ARHGEF6: variants seen among roughly 807,000 people sequenced by gnomAD.
ARHGEF6 encodes Rac/Cdc42 guanine nucleotide exchange factor 6, also known as rho guanine nucleotide exchange factor 6.
A neutral mutation model predicts 70.3 loss-of-function variants in ARHGEF6; 9 were observed. The ratio of observed to expected loss-of-function variants is 0.13; its 90% confidence interval spans 0.08 to 0.22. ARHGEF6 has a LOEUF of 0.22. Among genes scored for constraint, ARHGEF6 ranks in the 10% least tolerant of loss-of-function variants. The probability of loss-of-function intolerance (pLI) is 1.00; values close to 1 mark genes in which losing one functional copy is unlikely to be tolerated. For synonymous variants in ARHGEF6, 201 were observed against 207.8 expected (o/e 0.97, Z 0.28); for missense variants, 470 against 563.0 (o/e 0.83, Z 1.67).
At chrX:136,685,950 C>T (rs2076381592) in intron 11 of ARHGEF6, 127 bp from the exon 12 acceptor site, 1 of 713,890 alleles carries the variant, frequency 1.4e-6, no homozygotes, top group African/African-American at 2.1e-5. Flanking sequence ...TCATGAATCC[C>T]ATGACCCAGG....
intron 2 of ARHGEF6, among the ~76,000 whole-genome samples, chrX:136,753,783 A>G (rs2077176552): frequency 8.9e-6 from 1 of 111,837 alleles, no homozygotes; most frequent in Non-Finnish European, 1.9e-5. Flanking sequence ...TTGCAGCCTA[A>G]CATGCTTACA....
intron 10 of ARHGEF6, among the ~76,000 whole-genome samples, chrX:136,689,120 C>T (rs1603337617): frequency 1.8e-5 from 2 of 112,448 alleles, no homozygotes; most frequent in East Asian, 2.8e-4. Flanking sequence ...TATTCCTTTA[C>T]AGTAAAATTT....
chrX:136,734,369 A>G (rs751290286), intron 5 of ARHGEF6, among the ~76,000 whole-genome samples: 16 of 111,666 alleles, frequency 1.4e-4, no homozygotes, highest in South Asian at 3.8e-4. Context: ...GAATACTACA[A>G]ACAACTCTAC....
chrX:136,718,334 T>C (rs954630064), intron 6 of ARHGEF6, among the ~76,000 whole-genome samples: 3 of 111,203 alleles, frequency 2.7e-5, no homozygotes, highest in Non-Finnish European at 3.8e-5. Context: ...TTAATATGTA[T>C]GTGCCTAAAA....
chrX:136,727,045 CT>C (rs762579205), intron 6 of ARHGEF6, among the ~76,000 whole-genome samples: 1 of 112,358 alleles, frequency 8.9e-6, no homozygotes. Context: ...ATGGCTCCCC[CT>C]GTCTGAATAA....
chrX:136,772,872 G>A (rs752965501), intron 2 of ARHGEF6, among the ~76,000 whole-genome samples: 2 of 111,563 alleles, frequency 1.8e-5, no homozygotes, highest in African/African-American at 3.3e-5. Flanking sequence ...CAAACAAACA[G>A]ACAACAACAA....
intron 13 of ARHGEF6, among the ~76,000 whole-genome samples, chrX:136,682,453 T>C (rs920903535): frequency 1.8e-5 from 2 of 112,211 alleles, no homozygotes; most frequent in Non-Finnish European, 3.8e-5. Flanking sequence ...CTTTATGTTT[T>C]CTCAGCAATA....
intron 2 of ARHGEF6, among the ~76,000 whole-genome samples, chrX:136,752,026 G>C (rs1464176195): frequency 1.8e-5 from 2 of 111,523 alleles, no homozygotes; most frequent in Admixed American, 1.9e-4. Context: ...AATGCTCTGA[G>C]GGGCATTGTA....
At chrX:136,775,023 T>C (rs1475054088) in intron 2 of ARHGEF6, among the ~76,000 whole-genome samples, 1 of 111,647 alleles carries the variant, frequency 9.0e-6, no homozygotes. Flanking sequence ...AATAATAATA[T>C]CTACCATGCA....
chrX:136,765,870 G>A (rs375618886), intron 2 of ARHGEF6, among the ~76,000 whole-genome samples: 20 of 112,215 alleles, frequency 1.8e-4, no homozygotes, highest in African/African-American at 6.5e-4. Flanking sequence ...TAACTAGAAG[G>A]CATTCAAAAA....
intron 9 of ARHGEF6, among the ~76,000 whole-genome samples, chrX:136,693,447 AAATAT>A (rs1015718158): frequency 1.8e-5 from 2 of 112,195 alleles, no homozygotes; most frequent in Non-Finnish European, 3.8e-5. Context: ...CATTATACAC[AAATAT>A]AATACATAAA....
intron 2 of ARHGEF6, among the ~76,000 whole-genome samples, chrX:136,776,916 T>TAAAC (rs2077409960): frequency 9.5e-6 from 1 of 104,809 alleles, no homozygotes. Context: ...AATAAATAAA[T>TAAAC]AAAGTAGAAA....
intron 3 of ARHGEF6, 67 bp from the exon 4 acceptor site, chrX:136,745,414 T>G: frequency 8.7e-7 from 1 of 1,156,039 alleles, no homozygotes; most frequent in South Asian, 1.8e-5. Context: ...CCGCATAACA[T>G]TATCTTTCTC....
intron 9 of ARHGEF6, among the ~76,000 whole-genome samples, chrX:136,696,703 T>C (rs888141660): frequency 1.5e-4 from 17 of 111,358 alleles, no homozygotes; most frequent in Admixed American, 8.6e-4. Flanking sequence ...AAAAAGTATT[T>C]ATTCAGGAAA....
At chrX:136,726,373 A>T (rs1372552650) in intron 6 of ARHGEF6, among the ~76,000 whole-genome samples, 1 of 111,625 alleles carries the variant, frequency 9.0e-6, no homozygotes, top group East Asian at 2.8e-4. Context: ...CACATGGAAG[A>T]GCAGTATGGA....
intron 5 of ARHGEF6, among the ~76,000 whole-genome samples, chrX:136,735,505 G>A (rs1361516285): frequency 9.0e-6 from 1 of 111,140 alleles, no homozygotes; most frequent in Non-Finnish European, 1.9e-5. Context: ...TAACTAGAAC[G>A]AACATGAAAA....
chrX:136,700,589 A>T (rs1270132695), intron 9 of ARHGEF6, among the ~76,000 whole-genome samples: 1 of 111,873 alleles, frequency 8.9e-6, no homozygotes, highest in Non-Finnish European at 1.9e-5. Flanking sequence ...AACAAAAAAA[A>T]TCTAAAGCCC....
rs376242035 is a variant in ARHGEF6, at chrX:136,669,514, C to T, written c.2158G>A (p.Ala720Thr). The change falls in exon 21 of 22, where the codon GCC (alanine) becomes ACC (threonine). Residue 720 changes from alanine (A) to threonine (T), a missense_variant. Around this residue, in one of 3 missense-constraint regions of ARHGEF6, gnomAD observed 88 missense variants for 95.5 expected, o/e 0.92. Coordinates refer to ENST00000250617, the MANE Select transcript of ARHGEF6 (RefSeq NM_004840.3). ...AGTTCTCTGACCTCGTCCTTCAAGG[C>T]GTAAACAGTATCAACAAGGCTCCTA... Reference protein sequence around the residue: ...EEKSLVDTVYALKDEVRELKQ... With the variant: ...EEKSLVDTVYTLKDEVRELKQ... 1.2e-5 allele frequency: 14 copies of T among 1,206,959 alleles called. No individual in the cohort carries two copies. Among genetic ancestry groups the T allele is most frequent in the South Asian group, 5.3e-5 (3 of 56,687 alleles).
At chrX:136,740,470 A>T (rs2077031449) in intron 5 of ARHGEF6, among the ~76,000 whole-genome samples, 1 of 111,420 alleles carries the variant, frequency 9.0e-6, no homozygotes, top group Non-Finnish European at 1.9e-5. Context: ...CCTGACTAGC[A>T]CTCATTTCCT....
Sources: gnomAD v4.1 joint callset for allele counts (sites outside exome capture counted in the v4.1 genomes callset) on GRCh38, gnomAD v4.1.1 for gene constraint, gnomAD v4.1.1 regional missense constraint, MANE v1.5 for transcripts, NCBI Gene and HGNC (gene_info 2026-07-23, HGNC 2026-07-21) for gene names.